AGBL4: variants seen among roughly 807,000 people sequenced by gnomAD.
AGBL4 encodes the protein AGBL carboxypeptidase 4.
AGBL4 carries 58 observed loss-of-function variants against 66.4 expected under a neutral mutation model. That is an observed-to-expected ratio of 0.87 (90% CI 0.71 to 1.09). The LOEUF is 1.09. Ranked by LOEUF, AGBL4 falls within the 50% of genes least tolerant of loss-of-function variation. AGBL4 has a pLI of 0.00. For synonymous variants in AGBL4, 234 were observed against 222.9 expected (o/e 1.05, Z -0.44); for missense variants, 579 against 631.0 (o/e 0.92, Z 0.88).
At chr1:49,988,693 C>G (rs1338270682) in intron 1 of AGBL4, among the ~76,000 whole-genome samples, 1 of 152,130 alleles carries the variant, frequency 6.6e-6, no homozygotes, top group African/African-American at 2.4e-5. Context: ...ATCTAGAATC[C>G]TCACATATTA....
At chr1:49,678,995 A>G (rs1646637324) in intron 3 of AGBL4, among the ~76,000 whole-genome samples, 1 of 152,146 alleles carries the variant, frequency 6.6e-6, no homozygotes, top group South Asian at 2.1e-4. Context: ...TGCCATGGTC[A>G]TTTGAAAAAA....
chr1:49,748,759 G>A (rs1390250277), intron 2 of AGBL4, among the ~76,000 whole-genome samples: 3 of 152,090 alleles, frequency 2.0e-5, no homozygotes, highest in South Asian at 2.1e-4. Context: ...TAATACCATC[G>A]ATGATGAGCT....
chr1:49,734,385 T>C (rs972061466), intron 2 of AGBL4, among the ~76,000 whole-genome samples: 4 of 152,202 alleles, frequency 2.6e-5, no homozygotes, highest in African/African-American at 9.6e-5. Flanking sequence ...GATGTGATCC[T>C]ATATTTGGAA....
At chr1:49,089,511 CA>C (rs1235244988) in intron 4 of AGBL4, among the ~76,000 whole-genome samples, 1 of 152,070 alleles carries the variant, frequency 6.6e-6, no homozygotes, top group Admixed American at 6.6e-5. Context: ...TAAATGATTA[CA>C]TTTCTTGAAA....
chr1:48,797,956 T>C lies in AGBL4; in HGVS notation c.634+69235A>G, dbSNP rs147910943. On this transcript the variant is annotated intron_variant, in intron 6 of 13. Transcript: ENST00000371839. The stretch of plus-strand genomic sequence containing the variant: ...TATAAACGTGTGTGCAAGTGTCTTT[T>C]TCATATAATGAGTTCTTTTTCTCTG... Among the ~76,000 whole-genome samples the C allele has an allele frequency of 2.5e-3, 385 of 152,332 alleles. 10 individuals are homozygous for C. The East Asian group carries it at 0.068, about 27-fold the overall frequency.
At chr1:48,746,438 G>A (rs917345514) in intron 6 of AGBL4, among the ~76,000 whole-genome samples, 5 of 152,146 alleles carry the variant, frequency 3.3e-5, no homozygotes, top group African/African-American at 9.7e-5. Context: ...GTTCACGACG[G>A]TCCCCTCAAG....
chr1:49,012,273 G>T lies in AGBL4; in HGVS notation c.594+33311C>A, dbSNP rs115017453. On this transcript the variant is annotated intron_variant, in intron 5 of 13. Transcript: ENST00000371839. ...TAACTATCTGCTCTCTTAAAAAGGT[G>T]CTGTGTGCAGGGAAAATATAGAGAC... Among the ~76,000 whole-genome samples, 1,280 of 152,208 alleles carry T rather than the reference G, an allele frequency of 8.4e-3. 12 individuals are homozygous for T. The highest frequency in any genetic ancestry group is 0.014 in the Middle Eastern group (4 of 294).
chr1:49,387,251 G>C (rs1027119573), intron 3 of AGBL4, among the ~76,000 whole-genome samples: 3 of 151,908 alleles, frequency 2.0e-5, no homozygotes, highest in African/African-American at 7.2e-5. Flanking sequence ...TAGATGACAA[G>C]TGTGATAATA....
At chr1:48,664,752 C>T (rs1646159548) in intron 6 of AGBL4, among the ~76,000 whole-genome samples, 1 of 152,172 alleles carries the variant, frequency 6.6e-6, no homozygotes, top group African/African-American at 2.4e-5. Flanking sequence ...AAGATATCAT[C>T]AGACAAAAGC....
intron 3 of AGBL4, among the ~76,000 whole-genome samples, chr1:49,249,433 A>T (rs969625817): frequency 7.2e-5 from 11 of 152,224 alleles, no homozygotes; most frequent in Non-Finnish European, 1.2e-4. Context: ...TTTATCAAAA[A>T]GAAGACATAT....
At chr1:48,568,248 C>T (rs1294075967) in intron 11 of AGBL4, among the ~76,000 whole-genome samples, 1 of 152,164 alleles carries the variant, frequency 6.6e-6, no homozygotes, top group African/African-American at 2.4e-5. Flanking sequence ...ATCTCTTGCA[C>T]TCTCTCCCCT....
chr1:49,761,991 G>T (rs61783640), intron 2 of AGBL4, among the ~76,000 whole-genome samples: 1 of 151,918 alleles, frequency 6.6e-6, no homozygotes, highest in Non-Finnish European at 1.5e-5. Flanking sequence ...TTGCATACTT[G>T]GGTCAATCCC....
At position 49,599,682 on chromosome 1, in the gene AGBL4, C is replaced by T. The variant is rs547343713; in HGVS notation, c.282+97631G>A. 2.6e-5 allele frequency among the ~76,000 whole-genome samples: 4 copies of T among 152,214 alleles called. No homozygotes were observed. In the East Asian group the frequency reaches 7.7e-4, roughly 29 times the overall value. The stretch of plus-strand genomic sequence containing the variant: ...TTTGAATTTGTTTGTTCTTGCTTCT[C>T]TAGTTCTTTTAATTGTGATGTTAAG... On this transcript the variant is annotated intron_variant, in intron 3 of 13. Transcript: ENST00000371839.
At chr1:49,866,420 A>G (rs1237877373) in intron 1 of AGBL4, among the ~76,000 whole-genome samples, 4 of 152,184 alleles carry the variant, frequency 2.6e-5, no homozygotes, top group Non-Finnish European at 5.9e-5. Flanking sequence ...CTCTCAGCAG[A>G]AACCCTATAA....
rs186773451 is a variant in AGBL4 at position 49,147,997 on chromosome 1, T to C, written c.377+97773A>G. On this transcript the variant is annotated intron_variant, in intron 4 of 13. Transcript: ENST00000371839. ...ACCTGCAAACCAAAAGGCAGCGAGA[T>C]ACAATGCAAAGAACTTGGGTAACAA... Among the ~76,000 whole-genome samples, 8 of 152,260 alleles carry C rather than the reference T, an allele frequency of 5.3e-5. No individual in the cohort carries two copies. In the East Asian group the frequency reaches 1.4e-3, roughly 26 times the overall value.
intron 5 of AGBL4, among the ~76,000 whole-genome samples, chr1:48,939,334 G>A (rs1264022152): frequency 6.6e-6 from 1 of 152,224 alleles, no homozygotes; most frequent in African/African-American, 2.4e-5. Flanking sequence ...GGCACAGCCT[G>A]TACTGTGGCC....
At chr1:48,862,793 T>C (rs1463528443) in intron 6 of AGBL4, among the ~76,000 whole-genome samples, 2 of 152,190 alleles carry the variant, frequency 1.3e-5, no homozygotes, top group Admixed American at 6.5e-5. Flanking sequence ...TAAGCTTATA[T>C]AAATGGTATT....
chr1:49,740,138 C>T (rs1650305844), intron 2 of AGBL4, among the ~76,000 whole-genome samples: 1 of 152,130 alleles, frequency 6.6e-6, no homozygotes, highest in Non-Finnish European at 1.5e-5. Flanking sequence ...CATCAGTGTG[C>T]TGTATTCAGG....
intron 1 of AGBL4, among the ~76,000 whole-genome samples, chr1:49,903,018 T>C (rs972356089): frequency 7.2e-5 from 11 of 152,100 alleles, no homozygotes; most frequent in African/African-American, 2.7e-4. Flanking sequence ...CAAAGGAATA[T>C]AAATCACTCC....
Sources: gnomAD v4.1 joint callset for allele counts (sites outside exome capture counted in the v4.1 genomes callset) on GRCh38, gnomAD v4.1.1 for gene constraint, MANE v1.5 for transcripts, NCBI Gene and HGNC (gene_info 2026-07-23, HGNC 2026-07-21) for gene names.